Variants in MCM7 observed in about 807,000 individuals in gnomAD.
MCM7 encodes the protein minichromosome maintenance complex component 7, also known as DNA replication licensing factor MCM7.
Under a neutral mutation model 83.5 loss-of-function variants are expected in MCM7, and 95 were observed. That is an observed-to-expected ratio of 1.14 (90% CI 0.96 to 1.35). The LOEUF is 1.35. Among genes scored for constraint, MCM7 ranks in the 40% most tolerant of loss-of-function variants. MCM7 has a pLI of 0.00. For missense variants in MCM7, 1,087 were observed against 957.4 expected, an observed-to-expected ratio of 1.14 and a Z score of -1.79; for synonymous variants, 461 against 352.7, an observed-to-expected ratio of 1.31 and a Z score of -3.44.
At chr7:100,097,413 G>A in intron 9 of MCM7, 29 bp from the exon 10 acceptor site, 2 of 1,609,582 alleles carry the variant, frequency 1.2e-6, no homozygotes, top group Non-Finnish European at 1.7e-6. Context: ...GCCCTGGAAT[G>A]ACTCTTCTCC....
In MCM7 at chr7:100,098,305, G is replaced by A. The variant is rs1795753548; in HGVS notation, c.721-15C>T. On this transcript the variant is annotated splice_polypyrimidine_tract_variant and intron_variant, in intron 6 of 14. Coordinates refer to ENST00000303887, the MANE Select transcript of MCM7 (RefSeq NM_005916.5). ...ACCTGATCACTCTAGGGGAGGGAAA[G>A]GCACATAAGACTAGGAGAAATGGAC... The A allele has an allele frequency of 3.7e-6, 6 of 1,613,276 alleles. No individual in the cohort carries two copies. The highest frequency in any genetic ancestry group is 3.3e-5 in the South Asian group (3 of 91,012).
At chr7:100,094,030 G>T in intron 13 of MCM7, 143 bp downstream of exon 13, 1 of 1,046,740 alleles carries the variant, frequency 9.6e-7, no homozygotes, top group South Asian at 1.3e-5. Context: ...GCGGTAGCAC[G>T]GAGAGGACCA....
chr7:100,099,513 A>T, intron 3 of MCM7, 76 bp downstream of exon 3: 1 of 1,585,948 alleles, frequency 6.3e-7, no homozygotes, highest in Non-Finnish European at 8.6e-7. Flanking sequence ...CTCAGAAAAC[A>T]TCAGTATCTG....
intron 5 of MCM7, 30 bp downstream of exon 5, chr7:100,098,993 G>A (rs768296252): frequency 1.9e-6 from 3 of 1,612,750 alleles, no homozygotes; most frequent in Admixed American, 3.3e-5. Flanking sequence ...TAATGGGTAA[G>A]TGCTTTCCTG....
chr7:100,099,558 CTTTG>C (rs759975139), intron 3 of MCM7, 27 bp downstream of exon 3: 14 of 1,610,046 alleles, frequency 8.7e-6, no homozygotes, highest in Middle Eastern at 1.6e-4. Flanking sequence ...ACGCCTCGCC[CTTTG>C]TTTGCCATTG....
Position 100,093,430 on chromosome 7 carries a change from G to A in MCM7, c.1849-29C>T, listed in dbSNP as rs769217178. 4 of 1,598,458 alleles carry A rather than the reference G, an allele frequency of 2.5e-6. No homozygotes were observed. The Admixed American group carries it at 5.0e-5, about 20-fold the overall frequency. On this transcript the variant is annotated intron_variant, in intron 13 of 14. Transcript: ENST00000303887. Reference sequence around the variant, plus strand: ...AGGGGAAGGTAGGGGGGAAAGATGGGAACGGGAGGAGGGCAGTGGAACGAG... The same window carrying A: ...AGGGGAAGGTAGGGGGGAAAGATGGAAACGGGAGGAGGGCAGTGGAACGAG...
Position 100,098,824 on chromosome 7 carries a change from A to G in MCM7, c.583-109T>C, listed in dbSNP as rs1184436107. 7 of 1,468,994 alleles carry G rather than the reference A, an allele frequency of 4.8e-6. No individual in the cohort carries two copies. The East Asian group carries it at 1.4e-4, about 29-fold the overall frequency. 91.0% of individuals were successfully genotyped at this position (1,468,994 alleles called of 1,614,324 possible). On this transcript the variant is annotated intron_variant, in intron 5 of 14. Coordinates refer to ENST00000303887, the MANE Select transcript of MCM7 (RefSeq NM_005916.5). ...TCATGGCAGACATCTTGTAAGTGTCAAGAACCCTCTGAACTTACTCTGGGT... is the reference window on the plus strand; with the variant it reads ...TCATGGCAGACATCTTGTAAGTGTCGAGAACCCTCTGAACTTACTCTGGGT...
Position 100,099,148 on chromosome 7 carries a change from G to A in MCM7, c.457C>T (p.Arg153Trp), listed in dbSNP as rs150260409. Residue 153 changes from arginine (R) to tryptophan (W), a missense_variant, in exon 5 of 15, where the codon CGG becomes TGG. By Grantham distance (101) the Arg-to-Trp change is moderately radical (BLOSUM62 -3). Coordinates refer to ENST00000303887, the MANE Select transcript of MCM7 (RefSeq NM_005916.5). ...SNKPRVIREV[R>W]ADSVGKLVTV... ...ACCAACTTCCCCACAGAGTCAGCCC[G>A]CACTTCCCGGATCACACGAGGCTTG... 137 of 1,613,962 alleles carry A rather than the reference G, an allele frequency of 8.5e-5. No individual in the cohort carries two copies. The highest frequency in any genetic ancestry group is 2.1e-4 in the African/African-American group (16 of 74,868).
At position 100,099,183 on chromosome 7, in the gene MCM7, G is replaced by C. The variant is rs763804358; in HGVS notation, c.422C>G (p.Pro141Arg). 24 of 1,613,948 alleles carry C rather than the reference G, an allele frequency of 1.5e-5. No homozygotes were observed. Among genetic ancestry groups the C allele is most frequent in the Non-Finnish European group, 2.0e-5 (24 of 1,180,022 alleles). The change falls in exon 5 of 15, where the codon CCT (proline) becomes CGT (arginine). Residue 141 changes from proline to arginine, a missense_variant. Transcript: ENST00000303887. ...MRRFELYFQGPSSNKPRVIRE... is the reference protein window; with the variant it reads ...MRRFELYFQGRSSNKPRVIRE... ...GATCACACGAGGCTTGTTGCTGCTA[G>C]GGCCTTGAAAATACAGCTCACTAAG...
chr7:100,100,110 A>G lies in MCM7; in HGVS notation c.32-17T>C. The G allele has an allele frequency of 1.2e-6, 2 of 1,613,408 alleles. No homozygotes were observed. The highest frequency in any genetic ancestry group is 3.3e-5 in the Admixed American group (2 of 59,972). On this transcript the variant is annotated splice_polypyrimidine_tract_variant and intron_variant, in intron 1 of 14. Coordinates refer to ENST00000303887, the MANE Select transcript of MCM7 (RefSeq NM_005916.5). ...TAACCTTTTCTGTAACATGAAATGT[A>G]AAACCGTAAGACACAAACTTTAAGA...
chr7:100,099,063 G>C lies in MCM7; in HGVS notation c.542C>G (p.Thr181Ser). Residue 181 changes from threonine to serine, a missense_variant, in exon 5 of 15, where the codon ACT (threonine) becomes AGT (serine). Transcript: ENST00000303887. ...TGCCCCACACTGGTCACAAGTGTAAGTGGCCACCACCATCTTGGGTTTGAC... is the reference window on the plus strand; with the variant it reads ...TGCCCCACACTGGTCACAAGTGTAACTGGCCACCACCATCTTGGGTTTGAC... ...SEVKPKMVVA[T>S]YTCDQCGAET... is the part of the protein sequence containing the mutation. The C allele has an allele frequency of 3.1e-6, 5 of 1,614,186 alleles. No individual in the cohort carries two copies. The highest frequency in any genetic ancestry group is 4.2e-6 in the Non-Finnish European group (5 of 1,180,034).
Position 100,095,794 on chromosome 7 carries a change from G to A in MCM7, c.1575C>T (p.Pro525=), listed in dbSNP as rs751059315. The A allele has an allele frequency of 1.1e-5, 18 of 1,588,852 alleles. No individual in the cohort carries two copies. Among genetic ancestry groups the A allele is most frequent in the East Asian group, 2.2e-5 (1 of 44,494 alleles). The change falls in exon 11 of 15, where the codon CCC becomes CCT. Residue 525 remains proline, a synonymous_variant. Coordinates refer to ENST00000303887, the MANE Select transcript of MCM7 (RefSeq NM_005916.5). ...TTCACCGTAGGTCATTGTCTCGGTCGGGCCGGTCCTGAATCAGCCAGAGGA... is the reference window on the plus strand; with the variant it reads ...TTCACCGTAGGTCATTGTCTCGGTCAGGCCGGTCCTGAATCAGCCAGAGGA... ...FDLLWLIQDR[P]DRDNDLRLAQ... is the part of the protein sequence containing the mutation.
chr7:100,098,456 G>A (rs769077775), intron 6 of MCM7, 122 bp downstream of exon 6: 2 of 1,516,666 alleles, frequency 1.3e-6, no homozygotes, highest in African/African-American at 1.4e-5. Context: ...GGAAATTCTA[G>A]TTCCACCTCC....
At chr7:100,100,740 C>T (rs1288519183) in intron 1 of MCM7, 1 of 989,706 alleles carries the variant, frequency 1.0e-6, no homozygotes, top group Non-Finnish European at 1.2e-6. Flanking sequence ...CGCGGAAGGA[C>T]ACTGTTTACA....
In MCM7 at chr7:100,098,629, C is replaced by T. The variant is rs755773055; in HGVS notation, c.669G>A (p.Gln223=). 5.0e-6 allele frequency: 8 copies of T among 1,614,062 alleles called. No homozygotes were observed. In the East Asian group the frequency reaches 1.8e-4, roughly 36 times the overall value. The change falls in exon 6 of 15, where the codon CAG becomes CAA. Residue 223 remains glutamine (Q), a synonymous_variant. Coordinates refer to ENST00000303887, the MANE Select transcript of MCM7 (RefSeq NM_005916.5). ...ATTTGATGAATCTGGAGCCCCGTGT[C>T]TGCAGATACAGCCGCCCTCCTGAGC... is the stretch of plus-strand genomic sequence containing the variant. The part of the protein sequence containing the change: ...TNRSGGRLYL[Q]TRGSRFIKFQ...
chr7:100,097,521 C>T (rs913255478), intron 9 of MCM7, 93 bp downstream of exon 9: 1 of 1,592,106 alleles, frequency 6.3e-7, no homozygotes, highest in Admixed American at 1.7e-5. Flanking sequence ...GGCAAGATGT[C>T]CACTCATACT....
intron 12 of MCM7, among the ~76,000 whole-genome samples, chr7:100,094,582 G>A (rs1795518205): frequency 6.6e-6 from 1 of 152,102 alleles, no homozygotes; most frequent in South Asian, 2.1e-4. Context: ...TCGGGAAAAT[G>A]GCCTTTGTAA....
At chr7:100,097,263 G>A (rs1317426389) in intron 10 of MCM7, 38 bp downstream of exon 10, 1 of 1,568,182 alleles carries the variant, frequency 6.4e-7, no homozygotes, top group South Asian at 1.1e-5. Context: ...GGTCCTGTCT[G>A]TCACTATATT....
At chr7:100,096,497 C>A (rs147403063) in intron 10 of MCM7, among the ~76,000 whole-genome samples, 17 of 152,194 alleles carry the variant, frequency 1.1e-4, no homozygotes, top group African/African-American at 3.6e-4. Context: ...AGAGGCCGGG[C>A]GCAGTGGCTA....
Sources: gnomAD v4.1 joint callset for allele counts (sites outside exome capture counted in the v4.1 genomes callset) on GRCh38, gnomAD v4.1.1 for gene constraint, MANE v1.5 for transcripts, NCBI Gene and HGNC (gene_info 2026-07-23, HGNC 2026-07-21) for gene names.